The following SPAG16 variants were observed in gnomAD, a reference collection of about 807,000 sequenced individuals.
SPAG16 encodes the protein sperm-associated antigen 16 protein.
In SPAG16, 86 loss-of-function variants were observed where a neutral mutation model predicts 80.4. The observed-to-expected ratio is 1.07, with a 90% CI of 0.90 to 1.28. The LOEUF (loss-of-function observed/expected upper bound fraction) is 1.28. Ranked by LOEUF, SPAG16 falls within the 50% of genes most tolerant of loss-of-function variation. The probability of loss-of-function intolerance (pLI) is 0.00; values close to 1 mark genes in which losing one functional copy is unlikely to be tolerated. For missense variants in SPAG16, 870 were observed against 765.3 expected (o/e 1.14, Z -1.61); for synonymous variants, 294 against 265.9 (o/e 1.11, Z -1.03).
intron 15 of SPAG16, among the ~76,000 whole-genome samples, chr2:214,188,152 A>G (rs189063920): frequency 6.6e-6 from 1 of 152,184 alleles, no homozygotes; most frequent in East Asian, 1.9e-4. Flanking sequence ...TCAATCTCTC[A>G]CTTGACCATG....
chr2:213,809,932 A>T (rs899303274), intron 10 of SPAG16, among the ~76,000 whole-genome samples: 3 of 152,186 alleles, frequency 2.0e-5, no homozygotes, highest in African/African-American at 7.2e-5. Context: ...CATGGTATTC[A>T]TAATTGAGGA....
chr2:213,895,269 A>C lies in SPAG16; in HGVS notation c.1214+32641A>C, dbSNP rs138023053. Among the ~76,000 whole-genome samples, 34 of 152,284 alleles carry C rather than the reference A, an allele frequency of 2.2e-4. No homozygotes were observed. In the East Asian group the frequency reaches 6.2e-3, roughly 28 times the overall value. On this transcript the variant is annotated intron_variant, in intron 11 of 15. Transcript: ENST00000331683. Reference sequence around the variant, plus strand: ...AAAGCATTAATGAAAGAAATCAAAGAGGACAGAAACAAATGAAAAGATATT... The same window carrying C: ...AAAGCATTAATGAAAGAAATCAAAGCGGACAGAAACAAATGAAAAGATATT...
At chr2:214,091,308 T>G (rs1261685174) in intron 13 of SPAG16, among the ~76,000 whole-genome samples, 1 of 152,108 alleles carries the variant, frequency 6.6e-6, no homozygotes, top group East Asian at 1.9e-4. Context: ...CTAATACTAC[T>G]CCATTTTGCA....
chr2:214,254,902 G>A (rs148866091), intron 15 of SPAG16, among the ~76,000 whole-genome samples: 144 of 151,814 alleles, frequency 9.5e-4, no homozygotes, highest in African/African-American at 3.2e-3. Context: ...AAGGATGTAA[G>A]ACCAAAAGTA....
chr2:213,686,266 A>C (rs2064664980), intron 10 of SPAG16, among the ~76,000 whole-genome samples: 1 of 152,170 alleles, frequency 6.6e-6, no homozygotes, highest in South Asian at 2.1e-4. Context: ...CTATAGGTGC[A>C]CACCACCATG....
At chr2:213,476,207 G>A (rs536156524) in intron 9 of SPAG16, among the ~76,000 whole-genome samples, 254 of 152,314 alleles carry the variant, frequency 1.7e-3, no homozygotes, top group African/African-American at 5.7e-3. Flanking sequence ...CAAGAGTCTT[G>A]AAAGAAAGAA....
At chr2:214,066,763 A>G (rs529378057) in intron 13 of SPAG16, among the ~76,000 whole-genome samples, 56 of 152,340 alleles carry the variant, frequency 3.7e-4, no homozygotes, top group Non-Finnish European at 6.5e-4. Context: ...GAAAAGGAAC[A>G]TGTTAAAACT....
At chr2:213,292,676 CA>C (rs998635935) in intron 1 of SPAG16, among the ~76,000 whole-genome samples, 36 of 90,070 alleles carry the variant, frequency 4.0e-4, no homozygotes, top group South Asian at 2.7e-4. Flanking sequence ...AAAAAAAAAA[CA>C]AAAAAAACAA....
At position 214,034,692 on chromosome 2, in the gene SPAG16, A is replaced by G. The variant is rs148189600; in HGVS notation, c.1527+20615A>G. Among the ~76,000 whole-genome samples the G allele has an allele frequency of 7.2e-5, 11 of 152,298 alleles. No individual in the cohort carries two copies. In the East Asian group the frequency reaches 2.1e-3, roughly 30 times the overall value. ...ACCAGACATCCTGAAAGCAGCTTCC[A>G]CAGCTGGCACCAGGGAATGCTGCAG... On this transcript the variant is annotated intron_variant, in intron 13 of 15. Transcript: ENST00000331683.
chr2:214,326,325 G>C (rs540178540), intron 15 of SPAG16, among the ~76,000 whole-genome samples: 3 of 152,184 alleles, frequency 2.0e-5, no homozygotes, highest in Non-Finnish European at 2.9e-5. Flanking sequence ...GGATGGACGA[G>C]GCTAGGAATA....
intron 1 of SPAG16, 33 bp downstream of exon 1, chr2:213,284,652 C>G (rs1409424239): frequency 1.9e-6 from 3 of 1,595,236 alleles, no homozygotes; most frequent in Non-Finnish European, 2.6e-6. Context: ...GCCCGCTGCG[C>G]TGGCGGGTAA....
At chr2:213,706,177 A>T (rs2065744092) in intron 10 of SPAG16, among the ~76,000 whole-genome samples, 1 of 152,208 alleles carries the variant, frequency 6.6e-6, no homozygotes, top group Admixed American at 6.5e-5. Context: ...TGGCAGGGTC[A>T]CTACGTGTTC....
chr2:213,867,725 A>G (rs951049370), intron 11 of SPAG16, among the ~76,000 whole-genome samples: 4 of 151,292 alleles, frequency 2.6e-5, no homozygotes, highest in African/African-American at 9.7e-5. Context: ...GATCAAGACC[A>G]TCCTGGCTAA....
chr2:213,290,623 A>G (rs527608569), intron 1 of SPAG16, among the ~76,000 whole-genome samples: 9 of 152,250 alleles, frequency 5.9e-5, no homozygotes, highest in Admixed American at 5.9e-4. Context: ...AAGAAACTGG[A>G]TTTAGGCCAG....
rs1481138051 is a variant in SPAG16, at chr2:213,704,057, T to C, written c.1071-158428T>C. Among the ~76,000 whole-genome samples, 3 of 152,220 alleles carry C rather than the reference T, an allele frequency of 2.0e-5. 1 individual carries two copies. Among genetic ancestry groups the C allele is most frequent in the Non-Finnish European group, 4.4e-5 (3 of 68,030 alleles). ...ATGAGAGTGCCCCATCCCCTTGTTCTTCTGGCTGTTCTCAGTACCTGTTCC... is the reference window on the plus strand; with the variant it reads ...ATGAGAGTGCCCCATCCCCTTGTTCCTCTGGCTGTTCTCAGTACCTGTTCC... On this transcript the variant is annotated intron_variant, in intron 10 of 15. Transcript: ENST00000331683.
intron 7 of SPAG16, 135 bp from the exon 8 acceptor site, chr2:213,363,941 A>G (rs963367400): frequency 2.1e-5 from 7 of 327,136 alleles, no homozygotes; most frequent in Admixed American, 1.5e-4. Flanking sequence ...TTTATGTTTT[A>G]TTAAAAAAGG....
chr2:214,380,004 G>T (rs978214761), intron 15 of SPAG16, among the ~76,000 whole-genome samples: 4 of 152,280 alleles, frequency 2.6e-5, no homozygotes, highest in Non-Finnish European at 5.9e-5. Context: ...GTTCATGAGG[G>T]CACACTGCAT....
intron 10 of SPAG16, among the ~76,000 whole-genome samples, chr2:213,599,694 TTTTTG>T (rs931793009): frequency 3.9e-5 from 6 of 152,194 alleles, no homozygotes; most frequent in Non-Finnish European, 5.9e-5. Context: ...TGTTGTTGGT[TTTTTG>T]TTTTGTTTTG....
intron 10 of SPAG16, among the ~76,000 whole-genome samples, chr2:213,848,854 C>A (rs11685323): frequency 0.6 from 91,818 of 151,838 alleles, 29,398 homozygotes; most frequent in East Asian, 0.84. Context: ...ACAGTTTCTG[C>A]TTGTGGCCTA....
Sources: allele counts gnomAD v4.1 joint callset (sites outside exome capture counted in the v4.1 genomes callset), GRCh38; gene constraint gnomAD v4.1.1; transcripts MANE v1.5; gene names NCBI Gene and HGNC (gene_info 2026-07-23, HGNC 2026-07-21).